CACNA2D3: variants seen among roughly 807,000 people sequenced by gnomAD.
The protein encoded by CACNA2D3 is calcium voltage-gated channel auxiliary subunit alpha2delta 3.
Under a neutral mutation model 160.6 loss-of-function variants are expected in CACNA2D3, and 60 were observed. The observed-to-expected ratio is 0.37, with a 90% CI of 0.30 to 0.46. CACNA2D3 has a LOEUF of 0.46. Among genes scored for constraint, CACNA2D3 ranks in the 20% least tolerant of loss-of-function variants. CACNA2D3 has a pLI of 1.00. For synonymous variants in CACNA2D3, 558 were observed against 492.9 expected (o/e 1.13, Z -1.75); for missense variants, 1,205 against 1,365.0 (o/e 0.88, Z 1.85).
chr3:54,513,957 G>C (rs577203176), intron 5 of CACNA2D3, among the ~76,000 whole-genome samples: 109 of 152,300 alleles, frequency 7.2e-4, no homozygotes, highest in African/African-American at 2.6e-3. Context: ...ACAGGCATGA[G>C]CCACCGCACC....
At chr3:54,171,279 G>C (rs915213300) in intron 2 of CACNA2D3, among the ~76,000 whole-genome samples, 1 of 151,598 alleles carries the variant, frequency 6.6e-6, no homozygotes, top group Non-Finnish European at 1.5e-5. Context: ...GAAGAGCTTT[G>C]ATGATTCTTA....
At chr3:54,746,241 T>A (rs1183080918) in intron 11 of CACNA2D3, among the ~76,000 whole-genome samples, 1 of 152,242 alleles carries the variant, frequency 6.6e-6, no homozygotes, top group African/African-American at 2.4e-5. Context: ...TGCTTAAAGA[T>A]TAAGGATTTT....
At chr3:54,993,877 C>A (rs1243447860) in intron 31 of CACNA2D3, among the ~76,000 whole-genome samples, 17 of 108,436 alleles carry the variant, frequency 1.6e-4, no homozygotes, top group African/African-American at 5.9e-4. Flanking sequence ...TTTTTGGTTG[C>A]AACTGCTAGT....
At chr3:55,030,298 C>T (rs1041373563) in intron 35 of CACNA2D3, among the ~76,000 whole-genome samples, 2 of 152,084 alleles carry the variant, frequency 1.3e-5, no homozygotes, top group Admixed American at 6.6e-5. Context: ...AATTTCTTTC[C>T]AGCATTAAAG....
intron 11 of CACNA2D3, among the ~76,000 whole-genome samples, chr3:54,649,899 T>C (rs1291766473): frequency 6.6e-6 from 1 of 152,226 alleles, no homozygotes; most frequent in Non-Finnish European, 1.5e-5. Context: ...TGTTACACTT[T>C]AGGGAGTGAG....
chr3:54,853,956 C>A (rs573628339), intron 17 of CACNA2D3, among the ~76,000 whole-genome samples: 3 of 152,122 alleles, frequency 2.0e-5, no homozygotes, highest in African/African-American at 7.2e-5. Context: ...GCCTCCTGGA[C>A]CCCCGCTCTC....
At chr3:54,897,736 C>G (rs1207109449) in intron 26 of CACNA2D3, among the ~76,000 whole-genome samples, 1 of 152,218 alleles carries the variant, frequency 6.6e-6, no homozygotes, top group Non-Finnish European at 1.5e-5. Context: ...ATCCCCCTCC[C>G]TAAGGCTTGG....
At chr3:54,461,039 T>G (rs1453649764) in intron 4 of CACNA2D3, among the ~76,000 whole-genome samples, 153 of 152,158 alleles carry the variant, frequency 1.0e-3, no homozygotes, top group African/African-American at 2.2e-3. Context: ...ATAATCATGT[T>G]GTTTTTGTCT....
chr3:54,889,899 T>C (rs1392385504), intron 24 of CACNA2D3, among the ~76,000 whole-genome samples: 1 of 152,188 alleles, frequency 6.6e-6, no homozygotes, highest in African/African-American at 2.4e-5. Flanking sequence ...TCCTAACACA[T>C]ACTAAAGATT....
At chr3:54,750,839 G>C (rs946527587) in intron 11 of CACNA2D3, among the ~76,000 whole-genome samples, 5 of 151,166 alleles carry the variant, frequency 3.3e-5, no homozygotes, top group African/African-American at 1.2e-4. Context: ...GCGCAAACTC[G>C]GCTCACTGCA....
intron 27 of CACNA2D3, among the ~76,000 whole-genome samples, chr3:54,915,745 G>A (rs1445441255): frequency 6.6e-5 from 10 of 152,172 alleles, no homozygotes; most frequent in Non-Finnish European, 1.5e-4. Flanking sequence ...GTGCTGAGAA[G>A]CTGTTGACAT....
At chr3:54,404,220 A>G (rs906712729) in intron 4 of CACNA2D3, among the ~76,000 whole-genome samples, 1 of 152,194 alleles carries the variant, frequency 6.6e-6, no homozygotes, top group Non-Finnish European at 1.5e-5. Context: ...AATATCTCTG[A>G]TGAATATTGA....
chr3:55,032,428 A>G, intron 35 of CACNA2D3, among the ~76,000 whole-genome samples: 1 of 152,218 alleles, frequency 6.6e-6, no homozygotes, highest in African/African-American at 2.4e-5. Context: ...TCTCAATGCC[A>G]GTTTCATGCA....
intron 2 of CACNA2D3, among the ~76,000 whole-genome samples, chr3:54,191,597 G>A (rs1700985692): frequency 6.6e-6 from 1 of 152,082 alleles, no homozygotes; most frequent in African/African-American, 2.4e-5. Context: ...CGGTGATACA[G>A]TCTCTTCTCA....
intron 17 of CACNA2D3, among the ~76,000 whole-genome samples, chr3:54,863,365 G>A (rs1012199001): frequency 3.9e-5 from 6 of 152,096 alleles, no homozygotes; most frequent in African/African-American, 1.2e-4. Context: ...TCTTTTCTCA[G>A]CGTTACTCCT....
At chr3:54,692,467 T>C (rs1700588438) in intron 11 of CACNA2D3, among the ~76,000 whole-genome samples, 2 of 152,218 alleles carry the variant, frequency 1.3e-5, no homozygotes, top group Non-Finnish European at 2.9e-5. Flanking sequence ...TGAACTTGTA[T>C]GCCAGACTCA....
chr3:54,727,913 A>G (rs1701308214), intron 11 of CACNA2D3, among the ~76,000 whole-genome samples: 1 of 152,236 alleles, frequency 6.6e-6, no homozygotes, highest in African/African-American at 2.4e-5. Context: ...ATATATTAAA[A>G]AAAGATATGT....
At chr3:54,473,970 C>T (rs547907716) in intron 4 of CACNA2D3, among the ~76,000 whole-genome samples, 1 of 152,290 alleles carries the variant, frequency 6.6e-6, no homozygotes, top group East Asian at 1.9e-4. Flanking sequence ...TTAGTTCAAC[C>T]ATTGTGGAAG....
At chr3:54,483,642 C>A (rs1408877611) in intron 4 of CACNA2D3, among the ~76,000 whole-genome samples, 2 of 152,102 alleles carry the variant, frequency 1.3e-5, no homozygotes, top group African/African-American at 4.8e-5. Flanking sequence ...ACAACAACCA[C>A]AAAAATAAAT....
Sources: gnomAD v4.1 joint callset for allele counts (sites outside exome capture counted in the v4.1 genomes callset) on GRCh38, gnomAD v4.1.1 for gene constraint, MANE v1.5 for transcripts, NCBI Gene and HGNC (gene_info 2026-07-23, HGNC 2026-07-21) for gene names.